Variants in RAI1 observed in about 807,000 individuals in gnomAD.
The protein encoded by RAI1 is retinoic acid-induced protein 1.
In RAI1, 9 loss-of-function variants were observed where a neutral mutation model predicts 123.8. The ratio of observed to expected loss-of-function variants is 0.07; its 90% CI spans 0.04 to 0.13. RAI1 has a LOEUF of 0.13. Among genes scored for constraint, RAI1 ranks in the 10% least tolerant of loss-of-function variants. The pLI, the probability that RAI1 is intolerant of heterozygous loss-of-function variation, is 1.00. For synonymous variants in RAI1, 1,231 were observed against 1,127.3 expected, an observed-to-expected ratio of 1.09 and a Z score of -1.84; for missense variants, 2,256 against 2,545.8, an observed-to-expected ratio of 0.89 and a Z score of 2.45.
rs1481141806 is a variant in RAI1 at position 17,811,260 on chromosome 17, TATATA to T, written c.*1285_*1289del. ...GTATATATATGTATACATATACATA[TATATA>T]ATATATATGAAGACTGTAAATGTTA... On this transcript the variant is annotated 3_prime_UTR_variant, in exon 6 of 6. Coordinates refer to ENST00000353383, the MANE Select transcript of RAI1 (RefSeq NM_030665.4). 3 of 325,854 alleles carry T rather than the reference TATATA, an allele frequency of 9.2e-6. No homozygotes were observed. Among genetic ancestry groups the T allele is most frequent in the South Asian group, 7.8e-5 (3 of 38,270 alleles). The allele number at this position is 325,854 out of a possible 1,614,324, so 20.2% of individuals were successfully genotyped here. A position where few individuals can be genotyped will look rare whatever the true frequency, so the allele number is the denominator to read the frequency against.
rs147951584 is a variant in RAI1, at chr17:17,794,450, C to T, written c.1502C>T (p.Pro501Leu). 24 of 1,612,484 alleles carry T rather than the reference C, an allele frequency of 1.5e-5. No individual in the cohort carries two copies. Among genetic ancestry groups the T allele is most frequent in the Middle Eastern group, 1.6e-4 (1 of 6,084 alleles). Residue 501 changes from proline (P) to leucine (L), a missense_variant, in exon 3 of 6, where the codon CCG becomes CTG. Pro to Leu is a moderately conservative substitution (Grantham distance 98). This residue lies in a region of RAI1 where 357 missense variants were observed against 480.2 expected (regional missense o/e 0.74). Coordinates refer to ENST00000353383, the MANE Select transcript of RAI1 (RefSeq NM_030665.4). Reference protein sequence around the residue: ...EPAGTPLSEPPSSTPQSTHAE... With the variant: ...EPAGTPLSEPLSSTPQSTHAE... The stretch of plus-strand genomic sequence containing the variant: ...GCAGGCACACCGCTGTCAGAGCCGC[C>T]GAGCAGCACGCCACAGTCCACGCAT...
chr17:17,810,337 T>G lies in RAI1; in HGVS notation c.*356T>G. On this transcript the variant is annotated 3_prime_UTR_variant, in exon 6 of 6. Coordinates refer to ENST00000353383, the MANE Select transcript of RAI1 (RefSeq NM_030665.4). The surrounding 1 kb of genome is among the most constrained non-coding windows in gnomAD (Gnocchi z 4.6). ...GAGACGGCTTTGTCCTGGGGACACT[T>G]TCCCTCTGGAATCTCAAGACGACGT... 2 of 360,680 alleles carry G rather than the reference T, an allele frequency of 5.5e-6. No homozygotes were observed. Among genetic ancestry groups the G allele is most frequent in the Non-Finnish European group, 1.0e-5 (2 of 198,174 alleles). 22.3% of individuals were successfully genotyped at this position (360,680 alleles called of 1,614,324 possible).
At chr17:17,787,459 T>TA (rs975772611) in intron 2 of RAI1, among the ~76,000 whole-genome samples, 10 of 150,828 alleles carry the variant, frequency 6.6e-5, no homozygotes, top group Non-Finnish European at 8.9e-5. Flanking sequence ...TAAAGTGATC[T>TA]AAAAAAAAAA....
intron 2 of RAI1, chr17:17,777,017 A>G (rs900561324): frequency 9.9e-5 from 15 of 152,214 alleles, no homozygotes; most frequent in East Asian, 3.9e-4. Flanking sequence ...GACTGCTCCA[A>G]TTAATCCATG....
At position 17,795,244 on chromosome 17, in the gene RAI1, A is replaced by G. The variant is rs199585852; in HGVS notation, c.2296A>G (p.Thr766Ala). ...PRWGLHPGEL[T>A]KGLEQGGKAS... ...GTGGGGATTGCACCCTGGCGAGCTT[A>G]CCAAGGGCCTGGAGCAGGGTGGGAA... is the stretch of plus-strand genomic sequence containing the variant. The change falls in exon 3 of 6, where the codon ACC becomes GCC. Residue 766 changes from threonine (T) to alanine (A), a missense_variant. Thr to Ala is a moderately conservative substitution (Grantham distance 58). Around this residue, in one of 7 missense-constraint regions of RAI1, gnomAD observed 566 missense variants for 616.0 expected, o/e 0.92. Coordinates refer to ENST00000353383, the MANE Select transcript of RAI1 (RefSeq NM_030665.4). The surrounding 1 kb of genome is among the most constrained non-coding windows in gnomAD (Gnocchi z 5.9). 6.2e-7 allele frequency: 1 copy of G among 1,613,998 alleles called. No individual in the cohort carries two copies. The highest frequency in any genetic ancestry group is 1.3e-5 in the African/African-American group (1 of 75,014).
chr17:17,796,079 C>T lies in RAI1; in HGVS notation c.3131C>T (p.Pro1044Leu). 3.2e-6 allele frequency: 5 copies of T among 1,581,124 alleles called. No homozygotes were observed. The highest frequency in any genetic ancestry group is 4.3e-6 in the Non-Finnish European group (5 of 1,163,702). ...PQGQMEGAGAPGRGASEGLPR... is the reference protein window; with the variant it reads ...PQGQMEGAGALGRGASEGLPR... ...GGACAGATGGAAGGGGCTGGAGCCCCAGGCCGGGGGGCCTCGGAAGGGCTC... is the reference window on the plus strand; with the variant it reads ...GGACAGATGGAAGGGGCTGGAGCCCTAGGCCGGGGGGCCTCGGAAGGGCTC... Residue 1044 changes from proline (P) to leucine (L), a missense_variant, in exon 3 of 6, where the codon CCA (proline) becomes CTA (leucine). Pro to Leu is a moderately conservative substitution (Grantham distance 98). Coordinates refer to ENST00000353383, the MANE Select transcript of RAI1 (RefSeq NM_030665.4). The surrounding 1 kb of genome is among the most constrained non-coding windows in gnomAD (Gnocchi z 5.8).
intron 1 of RAI1, among the ~76,000 whole-genome samples, chr17:17,720,317 A>G (rs543134408): frequency 9.2e-5 from 14 of 152,316 alleles, no homozygotes; most frequent in African/African-American, 2.6e-4. Context: ...ACCAGGAAGG[A>G]CTGGGCCCTT....
chr17:17,796,282 C>T lies in RAI1; in HGVS notation c.3334C>T (p.Pro1112Ser), dbSNP rs936470353. Residue 1112 changes from proline to serine, a missense_variant, in exon 3 of 6, where the codon CCG becomes TCG. Physicochemically the swap from Pro to Ser is moderately conservative, Grantham distance 74 (BLOSUM62 -1). Transcript: ENST00000353383. This position sits in a 1 kb window ranked among gnomAD's most constrained non-coding sequence, Gnocchi z 5.8. ...SPKAASSPSN[P>S]AALPVASDSS... The stretch of plus-strand genomic sequence containing the variant: ...CAAGGCTGCCTCCAGCCCCAGCAAC[C>T]CGGCCGCCCTGCCTGTGGCCTCCGA... The T allele has an allele frequency of 6.3e-7, 1 of 1,597,746 alleles. No individual in the cohort carries two copies. Among genetic ancestry groups the T allele is most frequent in the East Asian group, 2.2e-5 (1 of 44,498 alleles).
At position 17,768,033 on chromosome 17, in the gene RAI1, G is replaced by C. The variant is rs376127439; in HGVS notation, c.-16-24900G>C. Among the ~76,000 whole-genome samples, 4 of 152,314 alleles carry C rather than the reference G, an allele frequency of 2.6e-5. No individual in the cohort carries two copies. In the East Asian group the frequency reaches 7.7e-4, roughly 29 times the overall value. Reference sequence around the variant, plus strand: ...GATGGTTCATTGGCTTAATGTAAGTGGAACTCTTAGCATATAATAAGTGCT... The same window carrying C: ...GATGGTTCATTGGCTTAATGTAAGTCGAACTCTTAGCATATAATAAGTGCT... On this transcript the variant is annotated intron_variant, in intron 2 of 5. Transcript: ENST00000353383.
chr17:17,707,501 G>A (rs778584463), intron 1 of RAI1, among the ~76,000 whole-genome samples: 3 of 152,184 alleles, frequency 2.0e-5, no homozygotes, highest in Admixed American at 6.5e-5. Context: ...GCAGTGCAAA[G>A]GTCCTGAGGC....
chr17:17,709,994 C>T (rs1472413438), intron 1 of RAI1, among the ~76,000 whole-genome samples: 2 of 152,138 alleles, frequency 1.3e-5, no homozygotes, highest in Non-Finnish European at 2.9e-5. Context: ...TGCTCACCTG[C>T]CCACCATGGG....
intron 2 of RAI1, among the ~76,000 whole-genome samples, chr17:17,726,262 C>T (rs1419271489): frequency 6.6e-6 from 1 of 152,348 alleles, no homozygotes; most frequent in Admixed American, 6.5e-5. Context: ...TTTGCCCAGA[C>T]TCCTGAGCAA....
chr17:17,797,377 C>T lies in RAI1; in HGVS notation c.4429C>T (p.Pro1477Ser), dbSNP rs763769196. ...TCTTGGCCCGGCTCTGCTCCTGACT[C>T]CCCGAGACAGGGCCAGTGGCACACA... The part of the protein sequence containing the change: ...PYLGPALLLT[P>S]RDRASGTQGA... Residue 1477 changes from proline (P) to serine (S), a missense_variant, in exon 3 of 6, where the codon CCC (proline) becomes TCC (serine). Transcript: ENST00000353383. 3 of 1,612,790 alleles carry T rather than the reference C, an allele frequency of 1.9e-6. No homozygotes were observed. The highest frequency in any genetic ancestry group is 2.2e-5 in the South Asian group (2 of 91,062).
Position 17,797,936 on chromosome 17 carries a change from C to A in RAI1, c.4988C>A (p.Ser1663Tyr). The change falls in exon 3 of 6, where the codon TCC (serine) becomes TAC (tyrosine). Residue 1663 changes from serine (S) to tyrosine (Y), a missense_variant. Physicochemically the swap from Ser to Tyr is moderately radical, Grantham distance 144. Around this residue, in one of 7 missense-constraint regions of RAI1, gnomAD observed 410 missense variants for 374.6 expected, o/e 1.09. Transcript: ENST00000353383. The part of the protein sequence containing the change: ...PGGSILQPRP[S>Y]LPLSSTMHLG... ...GGCTCCATCCTGCAGCCGCGGCCCT[C>A]CTTGCCCCTCTCCTCCACGATGCAC... 1 of 1,614,094 alleles carries A rather than the reference C, an allele frequency of 6.2e-7. No individual in the cohort carries two copies. The highest frequency in any genetic ancestry group is 1.3e-5 in the African/African-American group (1 of 75,018).
Position 17,724,485 on chromosome 17 carries a change from A to G in RAI1, c.-17+326A>G, listed in dbSNP as rs529549831. 5.4e-5 allele frequency among the ~76,000 whole-genome samples: 8 copies of G among 147,732 alleles called. No individual in the cohort carries two copies. In the South Asian group the frequency reaches 1.5e-3, roughly 27 times the overall value. ...ATTCCCCCCTCCCCTTTCCTCCACA[A>G]AGCATTGGTGAGCGGTCTTGACGAA... On this transcript the variant is annotated intron_variant, in intron 2 of 5. Coordinates refer to ENST00000353383, the MANE Select transcript of RAI1 (RefSeq NM_030665.4).
At chr17:17,691,204 T>C (rs1051093924) in intron 1 of RAI1, among the ~76,000 whole-genome samples, 1 of 152,148 alleles carries the variant, frequency 6.6e-6, no homozygotes, top group Admixed American at 6.6e-5. Context: ...GAGACATTTT[T>C]GGTTGTCTCA....
intron 2 of RAI1, chr17:17,778,525 G>T: frequency 2.8e-6 from 1 of 354,760 alleles, no homozygotes; most frequent in Non-Finnish European, 5.6e-6. Context: ...ATATACATAT[G>T]CAGGAGCTGG....
At chr17:17,783,857 C>T (rs1304695450) in intron 2 of RAI1, among the ~76,000 whole-genome samples, 1 of 151,922 alleles carries the variant, frequency 6.6e-6, no homozygotes, top group Admixed American at 6.5e-5. Flanking sequence ...TTTCAATTAC[C>T]CTAAGTAGAG....
At chr17:17,700,514 G>A (rs1915183681) in intron 1 of RAI1, among the ~76,000 whole-genome samples, 1 of 152,110 alleles carries the variant, frequency 6.6e-6, no homozygotes, top group Non-Finnish European at 1.5e-5. Context: ...CTTAATGGCT[G>A]CGAACGCGCG....
Sources: gnomAD v4.1 joint callset for allele counts (sites outside exome capture counted in the v4.1 genomes callset) on GRCh38, gnomAD v4.1.1 for gene constraint, gnomAD v4.1.1 regional missense constraint, Gnocchi (gnomAD v3.1) non-coding constraint, MANE v1.5 for transcripts, NCBI Gene and HGNC (gene_info 2026-07-23, HGNC 2026-07-21) for gene names.